Variants in ITGB5 observed in about 807,000 individuals in gnomAD.
The protein encoded by ITGB5 is integrin subunit beta 5.
Under a neutral mutation model 84.8 loss-of-function variants are expected in ITGB5, and 38 were observed. The ratio of observed to expected loss-of-function variants is 0.45; its 90% confidence interval spans 0.35 to 0.59. The LOEUF is 0.59. ITGB5 is among the 20% of genes least tolerant of loss of function. The probability of loss-of-function intolerance (pLI) is 0.01; values close to 1 mark genes in which losing one functional copy is unlikely to be tolerated. For missense variants in ITGB5, 905 were observed against 1,034.5 expected, an observed-to-expected ratio of 0.87 and a Z score of 1.72; for synonymous variants, 393 against 414.4, an observed-to-expected ratio of 0.95 and a Z score of 0.63.
intron 6 of ITGB5, 96 bp from the exon 7 acceptor site, chr3:124,819,930 G>T: frequency 1.1e-6 from 1 of 907,602 alleles, no homozygotes; most frequent in Non-Finnish European, 1.9e-6. Context: ...GCATTTGCCA[G>T]GGAAGCACCT....
chr3:124,863,929 T>C (rs538848794), intron 2 of ITGB5, among the ~76,000 whole-genome samples: 1 of 136,148 alleles, frequency 7.3e-6, no homozygotes, highest in African/African-American at 2.8e-5. Context: ...ACAAACATTA[T>C]AAATCTGGAA....
At chr3:124,864,343 T>C (rs957247289) in intron 2 of ITGB5, among the ~76,000 whole-genome samples, 2 of 152,102 alleles carry the variant, frequency 1.3e-5, no homozygotes, top group Non-Finnish European at 2.9e-5. Context: ...CCTGACCTCA[T>C]GATCCACCCG....
rs772207772 is a variant in ITGB5 at position 124,773,882 on chromosome 3, T to G, written c.1724A>C (p.Lys575Thr). Residue 575 changes from lysine (K) to threonine (T), a missense_variant, in exon 11 of 15, where the codon AAG becomes ACG. Coordinates refer to ENST00000296181, the MANE Select transcript of ITGB5 (RefSeq NM_002213.5). ...GHGECHCGECKCHAGYIGDNC... is the reference protein window; with the variant it reads ...GHGECHCGECTCHAGYIGDNC... ...GTCCCCGATGTAACCTGCATGGCAC[T>G]TGCATTCCCCGCAGTGACACTCGCC... is the stretch of plus-strand genomic sequence containing the variant. The G allele has an allele frequency of 1.2e-6, 2 of 1,614,174 alleles. No homozygotes were observed. The highest frequency in any genetic ancestry group is 1.7e-6 in the Non-Finnish European group (2 of 1,180,034).
At chr3:124,864,327 C>T (rs1414116196) in intron 2 of ITGB5, among the ~76,000 whole-genome samples, 1 of 151,754 alleles carries the variant, frequency 6.6e-6, no homozygotes, top group Non-Finnish European at 1.5e-5. Context: ...AGAATAGTCT[C>T]GATCTCCTGA....
upstream of ITGB5, among the ~76,000 whole-genome samples, chr3:124,888,460 A>G (rs1338633014): frequency 3.3e-5 from 5 of 152,194 alleles, no homozygotes; most frequent in African/African-American, 9.6e-5. Context: ...TGGATTCGCT[A>G]CAAGTGCGTT....
At chr3:124,853,236 A>C (rs757719445) in intron 3 of ITGB5, among the ~76,000 whole-genome samples, 1 of 152,222 alleles carries the variant, frequency 6.6e-6, no homozygotes, top group Non-Finnish European at 1.5e-5. Flanking sequence ...TTATAACAGG[A>C]CTACAACTGA....
intron 10 of ITGB5, among the ~76,000 whole-genome samples, chr3:124,785,714 C>T (rs7644722): frequency 1.4e-4 from 22 of 152,114 alleles, no homozygotes; most frequent in South Asian, 2.1e-4. Context: ...AGTCACGAAA[C>T]GATGAGTACC....
chr3:124,860,888 G>A (rs2065287472), intron 2 of ITGB5, among the ~76,000 whole-genome samples: 2 of 152,184 alleles, frequency 1.3e-5, no homozygotes, highest in Non-Finnish European at 2.9e-5. Context: ...ATGCCCTTTA[G>A]AATCCTTATA....
intron 10 of ITGB5, among the ~76,000 whole-genome samples, chr3:124,776,440 G>T (rs1011348224): frequency 6.6e-6 from 1 of 152,072 alleles, no homozygotes; most frequent in African/African-American, 2.4e-5. Flanking sequence ...CCAACATTTT[G>T]TTAGGAAAAC....
intron 3 of ITGB5, among the ~76,000 whole-genome samples, chr3:124,856,730 C>T (rs887633503): frequency 7.9e-5 from 12 of 152,312 alleles, no homozygotes; most frequent in African/African-American, 2.6e-4. Context: ...TCTTATACAA[C>T]ACGATGTTCC....
chr3:124,769,761 C>T (rs1049286973), intron 11 of ITGB5: 11 of 152,436 alleles, frequency 7.2e-5, no homozygotes, highest in East Asian at 5.8e-4. Context: ...CCAGGTCCCC[C>T]GTGGCCTGCT....
intron 9 of ITGB5, among the ~76,000 whole-genome samples, chr3:124,798,254 T>C (rs1232192542): frequency 6.6e-6 from 1 of 152,020 alleles, no homozygotes; most frequent in Non-Finnish European, 1.5e-5. Flanking sequence ...GGTTTCACCA[T>C]GTTGGCCAGG....
At chr3:124,846,681 C>A (rs1342809014) in intron 4 of ITGB5, among the ~76,000 whole-genome samples, 1 of 152,124 alleles carries the variant, frequency 6.6e-6, no homozygotes, top group Non-Finnish European at 1.5e-5. Flanking sequence ...TGCCTGTAAT[C>A]CCAGCACTTT....
chr3:124,794,157 T>C (rs1352865277), intron 10 of ITGB5, among the ~76,000 whole-genome samples: 2 of 152,206 alleles, frequency 1.3e-5, no homozygotes, highest in African/African-American at 2.4e-5. Flanking sequence ...ACAGAATACA[T>C]GATGTGTAGA....
upstream of ITGB5, among the ~76,000 whole-genome samples, chr3:124,891,118 C>T (rs1934990840): frequency 6.6e-6 from 1 of 151,994 alleles, no homozygotes; most frequent in Non-Finnish European, 1.5e-5. Context: ...CATGGATAAC[C>T]AAGAGAAATT....
chr3:124,787,907 C>CTTTT (rs2064104142), intron 10 of ITGB5: 3 of 122,582 alleles, frequency 2.4e-5, no homozygotes, highest in South Asian at 2.7e-4. Flanking sequence ...AAACAGATAG[C>CTTTT]TCTTTTTTTT....
At chr3:124,865,613 A>G (rs533860106) in intron 2 of ITGB5, among the ~76,000 whole-genome samples, 25 of 149,574 alleles carry the variant, frequency 1.7e-4, no homozygotes, top group Admixed American at 8.7e-4. Flanking sequence ...CAGCCTCCCA[A>G]GTAGCTGGGA....
chr3:124,878,252 C>T (rs1447164850), intron 1 of ITGB5, among the ~76,000 whole-genome samples: 5 of 152,194 alleles, frequency 3.3e-5, no homozygotes, highest in Admixed American at 3.3e-4. Flanking sequence ...ACAATAAGAG[C>T]TCCTCAATTC....
Position 124,796,726 on chromosome 3 carries a change from C to T in ITGB5, c.1355G>A (p.Ser452Asn), listed in dbSNP as rs1185605981. 1.2e-6 allele frequency: 2 copies of T among 1,614,044 alleles called. No homozygotes were observed. The highest frequency in any genetic ancestry group is 2.2e-5 in the East Asian group (1 of 44,894). ...GTTGTAGGTGACCCCCACCTCCAGGCTGTCCCGGAATCCCACCGGCCGCAG... is the reference window on the plus strand; with the variant it reads ...GTTGTAGGTGACCCCCACCTCCAGGTTGTCCCGGAATCCCACCGGCCGCAG... ...FALRPVGFRD[S>N]LEVGVTYNCT... The change falls in exon 10 of 15, where the codon AGC becomes AAC. Residue 452 changes from serine (S) to asparagine (N), a missense_variant. Coordinates refer to ENST00000296181, the MANE Select transcript of ITGB5 (RefSeq NM_002213.5).
Sources: gnomAD v4.1 joint callset for allele counts (sites outside exome capture counted in the v4.1 genomes callset) on GRCh38, gnomAD v4.1.1 for gene constraint, MANE v1.5 for transcripts, NCBI Gene and HGNC (gene_info 2026-07-23, HGNC 2026-07-21) for gene names.